The following ADAM10 variants were observed in gnomAD, a reference collection of about 807,000 sequenced individuals.
ADAM10 encodes ADAM metallopeptidase domain 10.
ADAM10 carries 17 observed loss-of-function variants against 90.1 expected under a neutral mutation model. The observed-to-expected ratio is 0.19, with a 90% confidence interval of 0.13 to 0.28. The LOEUF is 0.28. ADAM10 is among the 10% of genes least tolerant of loss of function. The pLI, the probability that ADAM10 is intolerant of heterozygous loss-of-function variation, is 1.00. For missense variants in ADAM10, 610 were observed against 914.3 expected, an observed-to-expected ratio of 0.67 and a Z score of 4.29; for synonymous variants, 310 against 298.6, an observed-to-expected ratio of 1.04 and a Z score of -0.40.
chr15:58,730,609 T>C (rs1348530431), intron 1 of ADAM10, among the ~76,000 whole-genome samples: 1 of 152,220 alleles, frequency 6.6e-6, no homozygotes, highest in African/African-American at 2.4e-5. Context: ...AATACTAACC[T>C]GAAATCCACA....
chr15:58,719,089 C>A (rs545525174), intron 1 of ADAM10, among the ~76,000 whole-genome samples: 1 of 152,264 alleles, frequency 6.6e-6, no homozygotes, highest in East Asian at 1.9e-4. Context: ...TTTGGGAGGC[C>A]GAGGCAGGTG....
intron 2 of ADAM10, 58 bp downstream of exon 2, chr15:58,717,519 T>C (rs1458995510): frequency 1.2e-6 from 2 of 1,606,390 alleles, no homozygotes; most frequent in Admixed American, 1.7e-5. Context: ...AAATCTCCTC[T>C]TTAACTTAGA....
chr15:58,657,007 T>C (rs910878866), intron 5 of ADAM10, among the ~76,000 whole-genome samples: 3 of 152,228 alleles, frequency 2.0e-5, no homozygotes, highest in Admixed American at 6.5e-5. Context: ...ACTTTAAACA[T>C]GTCATGCCAC....
intron 14 of ADAM10, among the ~76,000 whole-genome samples, chr15:58,606,986 T>C (rs1895295382): frequency 6.6e-6 from 1 of 152,282 alleles, no homozygotes; most frequent in South Asian, 2.1e-4. Context: ...GCCATGTTCC[T>C]ATAAAATGTT....
intron 7 of ADAM10, among the ~76,000 whole-genome samples, chr15:58,643,466 C>A (rs1296763252): frequency 6.6e-6 from 1 of 152,126 alleles, no homozygotes; most frequent in Non-Finnish European, 1.5e-5. Context: ...TATTTAAACA[C>A]TGTATTTATC....
chr15:58,701,222 T>C (rs1200972955), intron 2 of ADAM10, among the ~76,000 whole-genome samples: 1 of 151,252 alleles, frequency 6.6e-6, no homozygotes, highest in Non-Finnish European at 1.5e-5. Context: ...ATACCCAGAA[T>C]ATACAAGGAA....
intron 1 of ADAM10, among the ~76,000 whole-genome samples, chr15:58,727,068 G>A (rs1400809171): frequency 6.6e-6 from 1 of 151,484 alleles, no homozygotes; most frequent in Admixed American, 6.6e-5. Context: ...GTGTGGTGAC[G>A]TGATCATAGC....
intron 2 of ADAM10, among the ~76,000 whole-genome samples, chr15:58,702,316 G>C (rs369491824): frequency 1.3e-5 from 2 of 152,100 alleles, no homozygotes; most frequent in South Asian, 2.1e-4. Context: ...TGGGGCTTGA[G>C]GGGAGATGAA....
At chr15:58,618,057 T>G (rs1405046397) in intron 11 of ADAM10, among the ~76,000 whole-genome samples, 1 of 152,064 alleles carries the variant, frequency 6.6e-6, no homozygotes, top group Non-Finnish European at 1.5e-5. Flanking sequence ...ATAAGTCATA[T>G]GAAACCACAG....
chr15:58,724,050 G>A (rs1415561929), intron 1 of ADAM10, among the ~76,000 whole-genome samples: 1 of 151,974 alleles, frequency 6.6e-6, no homozygotes, highest in African/African-American at 2.4e-5. Context: ...GGCCAACATG[G>A]TGAAACCCTG....
Position 58,596,216 on chromosome 15 carries a change from A to G in ADAM10, c.*1331T>C, listed in dbSNP as rs187918989. ...TTGAAGTGATGTAGTTGGAAAACAG[A>G]AGCAATAAATATGTCACAAGCTTCA... On this transcript the variant is annotated 3_prime_UTR_variant, in exon 16 of 16. Transcript: ENST00000260408. The G allele has an allele frequency of 6.6e-6, 1 of 152,316 alleles. No homozygotes were observed. The highest frequency in any genetic ancestry group is 1.5e-5 in the Non-Finnish European group (1 of 68,000). The allele number at this position is 152,316 out of a possible 1,614,324, so 9.4% of individuals were successfully genotyped here. A position where few individuals can be genotyped will look rare whatever the true frequency, so the allele number is the denominator to read the frequency against.
chr15:58,722,058 G>A (rs1898873107), intron 1 of ADAM10, among the ~76,000 whole-genome samples: 1 of 150,974 alleles, frequency 6.6e-6, no homozygotes, highest in Non-Finnish European at 1.5e-5. Context: ...GTAAATAATA[G>A]GCCGGGCACG....
intron 2 of ADAM10, among the ~76,000 whole-genome samples, chr15:58,685,342 T>C (rs1423463714): frequency 6.6e-6 from 1 of 150,858 alleles, no homozygotes; most frequent in Admixed American, 6.6e-5. Flanking sequence ...GTGCCTGTAG[T>C]CCCAGCTACT....
chr15:58,691,865 G>A lies in ADAM10; in HGVS notation c.207-9551C>T, dbSNP rs533967176. Among the ~76,000 whole-genome samples, 7 of 151,626 alleles carry A rather than the reference G, an allele frequency of 4.6e-5. No individual in the cohort carries two copies. In the South Asian group the frequency reaches 8.3e-4, roughly 18 times the overall value. Reference sequence around the variant, plus strand: ...TAATTTTTGTATTTTTAGTAGAGACGGGCTTTCACCATGTTGACCAGGCTG... The same window carrying A: ...TAATTTTTGTATTTTTAGTAGAGACAGGCTTTCACCATGTTGACCAGGCTG... On this transcript the variant is annotated intron_variant, in intron 2 of 15. Transcript: ENST00000260408.
chr15:58,739,511 C>T (rs2140847550), intron 1 of ADAM10, among the ~76,000 whole-genome samples: 1 of 151,380 alleles, frequency 6.6e-6, no homozygotes, highest in South Asian at 2.1e-4. Context: ...AGCGAGACTC[C>T]GTCTCAAAAA....
intron 5 of ADAM10, among the ~76,000 whole-genome samples, chr15:58,659,992 T>G (rs1284496044): frequency 6.6e-6 from 1 of 152,212 alleles, no homozygotes; most frequent in Non-Finnish European, 1.5e-5. Flanking sequence ...CCTCCCAAAG[T>G]GCTGGGATTA....
intron 3 of ADAM10, 93 bp from the exon 4 acceptor site, chr15:58,679,375 C>CACACATGCAT: frequency 9.2e-7 from 1 of 1,081,652 alleles, no homozygotes; most frequent in South Asian, 1.3e-5. Context: ...TATATATATA[C>CACACATGCAT]ACACATGCAT....
chr15:58,719,950 C>G (rs1457950658), intron 1 of ADAM10, among the ~76,000 whole-genome samples: 1 of 152,200 alleles, frequency 6.6e-6, no homozygotes, highest in African/African-American at 2.4e-5. Flanking sequence ...ATCATCATCT[C>G]TTCCCCCTTC....
rs566177476 is a variant in ADAM10 at position 58,589,375 on chromosome 15, C to T, written c.*8172G>A. 6.6e-6 allele frequency: 1 copy of T among 152,234 alleles called. No homozygotes were observed. Among genetic ancestry groups the T allele is most frequent in the East Asian group, 1.9e-4 (1 of 5,202 alleles). 9.4% of individuals were successfully genotyped at this position (152,234 alleles called of 1,614,324 possible). ...TAGTTAGAGCAAACTTTTACCGAAA[C>T]TCCAAAACTCAGGTCCAGCTTTTCT... On this transcript the variant is annotated 3_prime_UTR_variant, in exon 16 of 16. Coordinates refer to ENST00000260408, the MANE Select transcript of ADAM10 (RefSeq NM_001110.4).
Sources: allele counts gnomAD v4.1 joint callset (sites outside exome capture counted in the v4.1 genomes callset), GRCh38; gene constraint gnomAD v4.1.1; transcripts MANE v1.5; gene names NCBI Gene and HGNC (gene_info 2026-07-23, HGNC 2026-07-21).